Variants in NTRK3 observed in about 807,000 individuals in gnomAD.
The protein encoded by NTRK3 is neurotrophic receptor tyrosine kinase 3.
NTRK3 carries 24 observed loss-of-function variants against 91.7 expected under a neutral mutation model. The observed-to-expected ratio is 0.26, with a 90% CI of 0.19 to 0.37. The LOEUF (loss-of-function observed/expected upper bound fraction) is 0.37, where lower values mean the gene tolerates loss of function less well. Among genes scored for constraint, NTRK3 ranks in the 10% least tolerant of loss-of-function variants. The probability of loss-of-function intolerance (pLI) is 1.00; values close to 1 mark genes in which losing one functional copy is unlikely to be tolerated. For synonymous variants in NTRK3, 483 were observed against 404.0 expected, an observed-to-expected ratio of 1.20 and a Z score of -2.34; for missense variants, 880 against 1,068.9, an observed-to-expected ratio of 0.82 and a Z score of 2.46.
At chr15:88,063,329 T>C (rs945488665) in intron 13 of NTRK3, among the ~76,000 whole-genome samples, 2 of 152,236 alleles carry the variant, frequency 1.3e-5, no homozygotes. Flanking sequence ...GACAGAGCTG[T>C]TGGTGGCTCT....
chr15:88,239,960 A>G (rs1385936672), intron 3 of NTRK3, among the ~76,000 whole-genome samples: 1 of 152,022 alleles, frequency 6.6e-6, no homozygotes, highest in Non-Finnish European at 1.5e-5. Flanking sequence ...CGGTGTTTTA[A>G]CAGCCCTCGG....
At chr15:87,876,792 A>C in exon 19 of NTRK3, 1 of 838,344 alleles carries the variant, frequency 1.2e-6, no homozygotes, top group South Asian at 1.7e-5. Context: ...TCCTTTTTTC[A>C]GTGTTGTATG....
At chr15:88,177,520 G>C (rs2046108585) in intron 5 of NTRK3, among the ~76,000 whole-genome samples, 1 of 152,198 alleles carries the variant, frequency 6.6e-6, no homozygotes, top group African/African-American at 2.4e-5. Flanking sequence ...GGAAAGAGAG[G>C]CATCAAGAAT....
chr15:87,923,170 C>T (rs577186422), intron 17 of NTRK3, among the ~76,000 whole-genome samples: 34 of 152,342 alleles, frequency 2.2e-4, no homozygotes, highest in East Asian at 1.3e-3. Flanking sequence ...TTTCTTCATC[C>T]TTAACTCTGG....
intron 3 of NTRK3, among the ~76,000 whole-genome samples, chr15:88,198,968 T>C (rs955875866): frequency 6.6e-6 from 1 of 152,186 alleles, no homozygotes; most frequent in African/African-American, 2.4e-5. Context: ...CAGTCACAAA[T>C]TTCTCTGCTG....
chr15:87,996,435 T>C (rs1223613923), intron 14 of NTRK3, among the ~76,000 whole-genome samples: 1 of 152,018 alleles, frequency 6.6e-6, no homozygotes, highest in East Asian at 1.9e-4. Context: ...GCCAGAGGGA[T>C]GCAAAGGTAG....
intron 14 of NTRK3, among the ~76,000 whole-genome samples, chr15:87,981,558 C>T (rs779294561): frequency 2.6e-5 from 4 of 152,178 alleles, no homozygotes; most frequent in Non-Finnish European, 4.4e-5. Context: ...AAGAATCTCA[C>T]CCTGGCATTA....
chr15:87,865,481 A>G (rs2064643476), exon 19 of NTRK3: 2 of 214,678 alleles, frequency 9.3e-6, no homozygotes, highest in African/African-American at 4.5e-5. Flanking sequence ...ACTTGGGCCT[A>G]TTAAAGGTGT....
At chr15:88,002,721 C>T (rs182210178) in intron 14 of NTRK3, among the ~76,000 whole-genome samples, 14 of 151,036 alleles carry the variant, frequency 9.3e-5, no homozygotes, top group East Asian at 7.7e-4. Flanking sequence ...GCTAGAAGCC[C>T]GGAGAAAACA....
At chr15:87,937,633 T>C (rs2141994149) in intron 15 of NTRK3, among the ~76,000 whole-genome samples, 1 of 152,260 alleles carries the variant, frequency 6.6e-6, no homozygotes, top group South Asian at 2.1e-4. Context: ...TGACTAATAT[T>C]ATCAAAAATC....
intron 14 of NTRK3, among the ~76,000 whole-genome samples, chr15:87,959,774 A>G (rs2072057697): frequency 6.6e-6 from 1 of 152,178 alleles, no homozygotes. Context: ...AAAGCCCTCA[A>G]ATATGTGGCA....
chr15:88,054,460 C>A (rs1034386640), intron 13 of NTRK3, among the ~76,000 whole-genome samples: 2 of 152,150 alleles, frequency 1.3e-5, no homozygotes, highest in African/African-American at 4.8e-5. Flanking sequence ...GGGTGCCCTA[C>A]CAGATGAGAT....
At chr15:87,909,580 G>C (rs2066966570) in intron 17 of NTRK3, among the ~76,000 whole-genome samples, 1 of 152,194 alleles carries the variant, frequency 6.6e-6, no homozygotes, top group Non-Finnish European at 1.5e-5. Context: ...GGAGATGAAA[G>C]AAAGGACAGA....
intron 3 of NTRK3, among the ~76,000 whole-genome samples, chr15:88,250,916 T>C (rs745315474): frequency 9.9e-5 from 15 of 152,262 alleles, no homozygotes; most frequent in Non-Finnish European, 1.8e-4. Flanking sequence ...GCAATAGAAG[T>C]TCCAGTGTTT....
chr15:88,063,931 A>T (rs562013972), intron 13 of NTRK3, among the ~76,000 whole-genome samples: 1 of 152,218 alleles, frequency 6.6e-6, no homozygotes, highest in South Asian at 2.1e-4. Context: ...CCCAAAAGAC[A>T]TATGTCCACC....
intron 13 of NTRK3, among the ~76,000 whole-genome samples, chr15:88,037,688 C>A (rs903361389): frequency 6.6e-6 from 1 of 152,144 alleles, no homozygotes; most frequent in Admixed American, 6.5e-5. Context: ...TGTAGGCGAC[C>A]TTAATGAGAG....
chr15:88,119,093 C>G (rs1261886976), intron 13 of NTRK3, among the ~76,000 whole-genome samples: 1 of 152,238 alleles, frequency 6.6e-6, no homozygotes, highest in East Asian at 1.9e-4. Context: ...AGTTGGTTCC[C>G]TGGAGTCTTC....
rs1596497724 is a variant in NTRK3 at position 87,979,174 on chromosome 15, TG to T, written c.1586-38422del. The T allele has an allele frequency of 9.0e-6, 6 of 663,756 alleles. No homozygotes were observed. In the East Asian group the frequency reaches 1.6e-4, roughly 18 times the overall value. The allele number at this position is 663,756 out of a possible 1,614,324, so 41.1% of individuals were successfully genotyped here. ...AAGGGGCAACCCTGCCAGTGGTGGA[TG>T]GGGGAAAACACCCATCTGGTGGTGT... On this transcript the variant is annotated intron_variant, in intron 14 of 18. Coordinates refer to ENST00000394480, the Ensembl canonical transcript of NTRK3.
At chr15:87,997,714 G>A (rs2075805243) in intron 14 of NTRK3, among the ~76,000 whole-genome samples, 1 of 152,096 alleles carries the variant, frequency 6.6e-6, no homozygotes, top group Admixed American at 6.6e-5. Flanking sequence ...ATGAAATTGA[G>A]GTACGTTTCT....
Sources: allele counts gnomAD v4.1 joint callset (sites outside exome capture counted in the v4.1 genomes callset), GRCh38; gene constraint gnomAD v4.1.1; transcripts MANE v1.5; gene names NCBI Gene and HGNC (gene_info 2026-07-23, HGNC 2026-07-21).